PCDH9: variants seen among roughly 807,000 people sequenced by gnomAD.
The protein encoded by PCDH9 is protocadherin-9.
PCDH9 carries 24 observed loss-of-function variants against 70.6 expected under a neutral mutation model. The observed-to-expected ratio is 0.34, with a 90% CI of 0.25 to 0.48. The LOEUF is 0.48. PCDH9 is among the 20% of genes least tolerant of loss of function. The pLI, the probability that PCDH9 is intolerant of heterozygous loss-of-function variation, is 0.99. For synonymous variants in PCDH9, 562 were observed against 558.5 expected (o/e 1.01, Z -0.09); for missense variants, 1,281 against 1,503.6 (o/e 0.85, Z 2.45).
At chr13:66,731,754 T>A (rs561777741) in intron 3 of PCDH9, among the ~76,000 whole-genome samples, 2 of 152,250 alleles carry the variant, frequency 1.3e-5, no homozygotes, top group East Asian at 3.9e-4. Flanking sequence ...AAACCAAGAC[T>A]GGCATCATCA....
intron 4 of PCDH9, among the ~76,000 whole-genome samples, chr13:66,445,514 CAT>C (rs1489694925): frequency 1.4e-5 from 2 of 141,024 alleles, no homozygotes; most frequent in Non-Finnish European, 3.0e-5. Flanking sequence ...TATATACACA[CAT>C]ATATAATATA....
intron 2 of PCDH9, among the ~76,000 whole-genome samples, chr13:67,025,301 A>G (rs965124965): frequency 2.6e-5 from 4 of 152,168 alleles, no homozygotes; most frequent in African/African-American, 9.6e-5. Context: ...TACTGGACAA[A>G]TATAATAAAA....
At chr13:67,187,191 A>G (rs2088780842) in intron 2 of PCDH9, among the ~76,000 whole-genome samples, 1 of 152,128 alleles carries the variant, frequency 6.6e-6, no homozygotes, top group Admixed American at 6.5e-5. Context: ...AACACACCCA[A>G]CGACTTAAAA....
chr13:66,418,198 G>A (rs562138878), intron 4 of PCDH9, among the ~76,000 whole-genome samples: 1 of 152,248 alleles, frequency 6.6e-6, no homozygotes, highest in South Asian at 2.1e-4. Flanking sequence ...GTCTAAGGAA[G>A]GGATCCAGTT....
intron 2 of PCDH9, among the ~76,000 whole-genome samples, chr13:66,923,006 G>C (rs1487558470): frequency 6.6e-6 from 1 of 151,218 alleles, no homozygotes; most frequent in Non-Finnish European, 1.5e-5. Flanking sequence ...ACAAGAGTTT[G>C]AAAGGGATGA....
intron 3 of PCDH9, among the ~76,000 whole-genome samples, chr13:66,657,162 A>T (rs1430589185): frequency 6.6e-6 from 1 of 152,156 alleles, no homozygotes; most frequent in Non-Finnish European, 1.5e-5. Flanking sequence ...AAACATTATA[A>T]CCAATTACAC....
chr13:66,363,710 G>A (rs1423171921), intron 4 of PCDH9, among the ~76,000 whole-genome samples: 1 of 152,164 alleles, frequency 6.6e-6, no homozygotes, highest in African/African-American at 2.4e-5. Context: ...ATGAGACAAT[G>A]TACTTAAATA....
intron 4 of PCDH9, among the ~76,000 whole-genome samples, chr13:66,510,313 C>T (rs1959403944): frequency 6.6e-6 from 1 of 151,596 alleles, no homozygotes. Context: ...ATAAAGCACC[C>T]AAGTCTTGAA....
At chr13:66,354,238 C>T (rs1367439497) in intron 4 of PCDH9, among the ~76,000 whole-genome samples, 1 of 152,088 alleles carries the variant, frequency 6.6e-6, no homozygotes, top group Non-Finnish European at 1.5e-5. Context: ...TACTCTGCAA[C>T]TGGAAGTTTC....
At chr13:66,794,404 C>T (rs2080207381) in intron 3 of PCDH9, among the ~76,000 whole-genome samples, 1 of 152,122 alleles carries the variant, frequency 6.6e-6, no homozygotes, top group African/African-American at 2.4e-5. Flanking sequence ...GAATTAGCTC[C>T]ACCGTCATAC....
At chr13:66,842,013 A>G (rs1366832668) in intron 3 of PCDH9, among the ~76,000 whole-genome samples, 2 of 152,204 alleles carry the variant, frequency 1.3e-5, no homozygotes, top group East Asian at 3.8e-4. Context: ...AGAATCTAGC[A>G]TAACTCCAGG....
chr13:67,137,917 A>G (rs1329883913), intron 2 of PCDH9, among the ~76,000 whole-genome samples: 1 of 152,126 alleles, frequency 6.6e-6, no homozygotes, highest in Non-Finnish European at 1.5e-5. Flanking sequence ...AAAAATTTCT[A>G]AAAATTTTTG....
At chr13:67,002,271 G>A (rs1290105725) in intron 2 of PCDH9, among the ~76,000 whole-genome samples, 1 of 151,928 alleles carries the variant, frequency 6.6e-6, no homozygotes, top group Non-Finnish European at 1.5e-5. Flanking sequence ...ATTTACTAAG[G>A]ATTTTAAAGC....
chr13:66,714,080 G>A (rs2078836428), intron 3 of PCDH9, among the ~76,000 whole-genome samples: 1 of 152,034 alleles, frequency 6.6e-6, no homozygotes, highest in Non-Finnish European at 1.5e-5. Context: ...CTAGGTAATG[G>A]CTAACTGTGC....
intron 2 of PCDH9, among the ~76,000 whole-genome samples, chr13:67,062,100 C>G (rs1368704005): frequency 6.6e-6 from 1 of 152,140 alleles, no homozygotes; most frequent in Non-Finnish European, 1.5e-5. Flanking sequence ...AAGAAGTGCT[C>G]CCTTGATTCA....
rs2089941181 is a variant in PCDH9, at chr13:67,228,630, T to C, written c.-135-55A>G. 3 of 433,838 alleles carry C rather than the reference T, an allele frequency of 6.9e-6. No homozygotes were observed. In the East Asian group the frequency reaches 1.1e-4, roughly 15 times the overall value. 26.9% of individuals were successfully genotyped at this position (433,838 alleles called of 1,614,324 possible). A position where few individuals can be genotyped will look rare whatever the true frequency, so the allele number is the denominator to read the frequency against. On this transcript the variant is annotated intron_variant, in intron 1 of 4. Coordinates refer to ENST00000377865, the MANE Select transcript of PCDH9 (RefSeq NM_203487.3). Reference sequence around the variant, plus strand: ...TTCTTCAGTAAATAAAAACACACCGTCACAAAATATCACCACACATTTTCC... The same window carrying C: ...TTCTTCAGTAAATAAAAACACACCGCCACAAAATATCACCACACATTTTCC...
chr13:66,367,771 T>C (rs1376870482), intron 4 of PCDH9, among the ~76,000 whole-genome samples: 1 of 152,178 alleles, frequency 6.6e-6, no homozygotes, highest in African/African-American at 2.4e-5. Context: ...GTTTGGACTA[T>C]ATTAAAATGA....
At chr13:66,722,110 A>T (rs556790572) in intron 3 of PCDH9, among the ~76,000 whole-genome samples, 113 of 152,306 alleles carry the variant, frequency 7.4e-4, no homozygotes, top group African/African-American at 2.6e-3. Flanking sequence ...AGTGACCTAG[A>T]TAATCACGGA....
chr13:66,532,668 G>T (rs1270144992), intron 4 of PCDH9, among the ~76,000 whole-genome samples: 1 of 151,940 alleles, frequency 6.6e-6, no homozygotes, highest in Non-Finnish European at 1.5e-5. Flanking sequence ...TCTGCCTCCC[G>T]AGTAGCTGGG....
Sources: gnomAD v4.1 joint callset for allele counts (sites outside exome capture counted in the v4.1 genomes callset) on GRCh38, gnomAD v4.1.1 for gene constraint, MANE v1.5 for transcripts, NCBI Gene and HGNC (gene_info 2026-07-23, HGNC 2026-07-21) for gene names.